The following GUCY1A1 variants were observed in gnomAD, a reference collection of about 807,000 sequenced individuals.
The protein encoded by GUCY1A1 is guanylate cyclase 1 soluble subunit alpha 1.
Under a neutral mutation model 64.5 loss-of-function variants are expected in GUCY1A1, and 48 were observed. That is an observed-to-expected ratio of 0.74 (90% CI 0.59 to 0.95). The LOEUF (loss-of-function observed/expected upper bound fraction) is 0.95. GUCY1A1 is among the 40% of genes least tolerant of loss of function. The pLI is 0.00. For missense variants in GUCY1A1, 804 were observed against 825.3 expected (o/e 0.97, Z 0.32); for synonymous variants, 308 against 303.4 (o/e 1.02, Z -0.16).
chr4:155,689,615 G>A (rs908242438), intron 2 of GUCY1A1, among the ~76,000 whole-genome samples: 1 of 152,182 alleles, frequency 6.6e-6, no homozygotes, highest in Non-Finnish European at 1.5e-5. Context: ...CTATAGAGTT[G>A]AGTGTACTGA....
At chr4:155,676,355 G>A (rs1382419466) in intron 2 of GUCY1A1, among the ~76,000 whole-genome samples, 1 of 147,792 alleles carries the variant, frequency 6.8e-6, no homozygotes, top group African/African-American at 2.6e-5. Flanking sequence ...CTTCATTCCT[G>A]GGGATGGTTG....
chr4:155,696,712 A>G lies in GUCY1A1; in HGVS notation c.-112-44A>G, dbSNP rs1188238065. The G allele has an allele frequency of 8.1e-6, 5 of 614,770 alleles. No individual in the cohort carries two copies. The East Asian group carries it at 1.1e-4, about 14-fold the overall frequency. The allele number at this position is 614,770 out of a possible 1,614,324, so 38.1% of individuals were successfully genotyped here. A position where few individuals can be genotyped will look rare whatever the true frequency, so the allele number is the denominator to read the frequency against. ...TGTCTTTTTCTGTTTTCATCCGTGC[A>G]TAAAGTCACTCCTCTTTCTGTTCTG... On this transcript the variant is annotated intron_variant, in intron 2 of 9. Coordinates refer to ENST00000506455, the MANE Select transcript of GUCY1A1 (RefSeq NM_001130682.3).
chr4:155,668,595 C>T (rs921991887), intron 2 of GUCY1A1, among the ~76,000 whole-genome samples: 2 of 152,066 alleles, frequency 1.3e-5, no homozygotes, highest in Admixed American at 1.3e-4. Flanking sequence ...TATGGGTAAG[C>T]ATAGAAGCAC....
intron 2 of GUCY1A1, among the ~76,000 whole-genome samples, chr4:155,692,022 A>G (rs1729808198): frequency 1.3e-5 from 2 of 151,990 alleles, no homozygotes. Context: ...TTTAGCTCTC[A>G]CTTATAAGTG....
intron 2 of GUCY1A1, among the ~76,000 whole-genome samples, chr4:155,691,728 A>G (rs569272468): frequency 1.1e-4 from 17 of 152,292 alleles, no homozygotes; most frequent in African/African-American, 3.4e-4. Flanking sequence ...TGCTTTTGTG[A>G]TGGATACATA....
At position 155,717,152 on chromosome 4, in the gene GUCY1A1, T is replaced by A; in HGVS notation, c.1573-7T>A. On this transcript the variant is annotated splice_region_variant and splice_polypyrimidine_tract_variant and intron_variant, in intron 7 of 9. Coordinates refer to ENST00000506455, the MANE Select transcript of GUCY1A1 (RefSeq NM_001130682.3). The stretch of plus-strand genomic sequence containing the variant: ...TATTTATAGTATGGAAAATATATTA[T>A]GTCTAGGTGGAGACCATTGGCGATG... 1 of 1,421,472 alleles carries A rather than the reference T, an allele frequency of 7.0e-7. No individual in the cohort carries two copies. The highest frequency in any genetic ancestry group is 9.3e-7 in the Non-Finnish European group (1 of 1,070,798). 88.1% of individuals were successfully genotyped at this position (1,421,472 alleles called of 1,614,324 possible).
At chr4:155,697,150 A>C (rs1443159425) in intron 3 of GUCY1A1, 28 bp downstream of exon 3, 1 of 1,558,774 alleles carries the variant, frequency 6.4e-7, no homozygotes, top group Non-Finnish European at 8.8e-7. Context: ...AGATTTTGAA[A>C]TTGTAATACT....
intron 2 of GUCY1A1, among the ~76,000 whole-genome samples, chr4:155,682,478 T>G (rs996226500): frequency 6.6e-6 from 1 of 152,116 alleles, no homozygotes; most frequent in South Asian, 2.1e-4. Context: ...AGTTCGAGCC[T>G]GACCAACATG....
At chr4:155,673,374 G>A (rs1342751596) in intron 2 of GUCY1A1, among the ~76,000 whole-genome samples, 1 of 151,472 alleles carries the variant, frequency 6.6e-6, no homozygotes, top group Non-Finnish European at 1.5e-5. Flanking sequence ...ATACATGTCA[G>A]CACTTAACAA....
chr4:155,730,108 C>G lies in GUCY1A1; in HGVS notation c.1950C>G (p.Ile650Met). ...EELPPNFPSE[I>M]PGICHFLDAY... ...TTCCACCAAACTTCCCTAGTGAAAT[C>G]CCCGGAATCTGCCATTTTCTGGATG... The change falls in exon 10 of 10, where the codon ATC becomes ATG. Residue 650 changes from isoleucine (I) to methionine (M), a missense_variant. By Grantham distance (10) the Ile-to-Met change is conservative. Coordinates refer to ENST00000506455, the MANE Select transcript of GUCY1A1 (RefSeq NM_001130682.3). The G allele has an allele frequency of 6.2e-7, 1 of 1,610,856 alleles. No homozygotes were observed. Among genetic ancestry groups the G allele is most frequent in the South Asian group, 1.1e-5 (1 of 90,998 alleles).
At chr4:155,684,705 G>T (rs1728747982) in intron 2 of GUCY1A1, among the ~76,000 whole-genome samples, 1 of 152,086 alleles carries the variant, frequency 6.6e-6, no homozygotes, top group African/African-American at 2.4e-5. Context: ...TGGCTTTGTT[G>T]TAAAGATCCT....
intron 9 of GUCY1A1, chr4:155,722,584 A>G (rs780171400): frequency 4.3e-5 from 12 of 278,672 alleles, no homozygotes; most frequent in Non-Finnish European, 5.5e-5. Context: ...ACAGAACCCA[A>G]CAAGCCTGCC....
At chr4:155,722,225 G>C (rs1421009393) in intron 9 of GUCY1A1, 33 bp downstream of exon 9, 1 of 1,591,000 alleles carries the variant, frequency 6.3e-7, no homozygotes, top group Admixed American at 1.8e-5. Flanking sequence ...AAAATCTCTT[G>C]TTTTTATTTA....
chr4:155,730,186 A>C lies in GUCY1A1; in HGVS notation c.2028A>C (p.Glu676Asp). Residue 676 changes from glutamate (E) to aspartate (D), a missense_variant, in exon 10 of 10, where the codon GAA (glutamate) becomes GAC (aspartate). By Grantham distance (45) the Glu-to-Asp change is conservative (BLOSUM62 2). Transcript: ENST00000506455. ...SKPCFQKKDV[E>D]DGNANFLGKA... Reference sequence around the variant, plus strand: ...CATGCTTCCAAAAGAAAGATGTGGAAGATGGCAATGCCAATTTTTTAGGCA... The same window carrying C: ...CATGCTTCCAAAAGAAAGATGTGGACGATGGCAATGCCAATTTTTTAGGCA... The C allele has an allele frequency of 6.2e-7, 1 of 1,611,574 alleles. No individual in the cohort carries two copies. Among genetic ancestry groups the C allele is most frequent in the Non-Finnish European group, 8.5e-7 (1 of 1,178,180 alleles).
At chr4:155,690,339 AT>A (rs1044470564) in intron 2 of GUCY1A1, among the ~76,000 whole-genome samples, 9 of 151,888 alleles carry the variant, frequency 5.9e-5, no homozygotes, top group Admixed American at 3.3e-4. Context: ...CAATTGATTC[AT>A]TTTTTCCCCC....
At chr4:155,704,211 A>T (rs1199961495) in intron 4 of GUCY1A1, among the ~76,000 whole-genome samples, 1 of 152,250 alleles carries the variant, frequency 6.6e-6, no homozygotes, top group Non-Finnish European at 1.5e-5. Context: ...AGTATTTAGA[A>T]TTTTATAGCC....
At chr4:155,678,981 A>G (rs1735319767) in intron 2 of GUCY1A1, among the ~76,000 whole-genome samples, 1 of 152,182 alleles carries the variant, frequency 6.6e-6, no homozygotes, top group Non-Finnish European at 1.5e-5. Flanking sequence ...TGTTTTGCCC[A>G]TTTTAAAATG....
At chr4:155,681,579 C>T (rs1329562594) in intron 2 of GUCY1A1, among the ~76,000 whole-genome samples, 1 of 152,192 alleles carries the variant, frequency 6.6e-6, no homozygotes, top group Non-Finnish European at 1.5e-5. Context: ...TCTCAGTCCT[C>T]CTTACCCTCT....
chr4:155,711,695 C>T (rs763741013), intron 6 of GUCY1A1, among the ~76,000 whole-genome samples: 5 of 151,840 alleles, frequency 3.3e-5, no homozygotes, highest in Non-Finnish European at 5.9e-5. Flanking sequence ...TAATTGTTAC[C>T]GAATGTGGAA....
Sources: allele counts gnomAD v4.1 joint callset (sites outside exome capture counted in the v4.1 genomes callset), GRCh38; gene constraint gnomAD v4.1.1; transcripts MANE v1.5; gene names NCBI Gene and HGNC (gene_info 2026-07-23, HGNC 2026-07-21).